The following ADD2 variants were observed in gnomAD, a reference collection of about 807,000 sequenced individuals.
ADD2 encodes adducin 2, also known as beta-adducin.
In ADD2, 23 loss-of-function variants were observed where a neutral mutation model predicts 83.0. The observed-to-expected ratio is 0.28, with a 90% CI of 0.20 to 0.39. The LOEUF is 0.39. Ranked by LOEUF, ADD2 falls within the 10% of genes least tolerant of loss-of-function variation. The pLI, the probability that ADD2 is intolerant of heterozygous loss-of-function variation, is 1.00. For synonymous variants in ADD2, 375 were observed against 375.4 expected (o/e 1.00, Z 0.01); for missense variants, 758 against 944.9 (o/e 0.80, Z 2.59).
At chr2:70,677,736 G>T (rs1558525108) in intron 12 of ADD2, 22 bp downstream of exon 12, 1 of 1,612,502 alleles carries the variant, frequency 6.2e-7, no homozygotes, top group East Asian at 2.2e-5. Flanking sequence ...AAGAAAGAGT[G>T]GGATAAACAG....
chr2:70,677,539 A>C (rs1174555395), intron 12 of ADD2, among the ~76,000 whole-genome samples: 1 of 152,250 alleles, frequency 6.6e-6, no homozygotes, highest in Non-Finnish European at 1.5e-5. Context: ...GCTGGTGTGT[A>C]AACCAAGCTG....
At position 70,689,023 on chromosome 2, in the gene ADD2, T is replaced by C. The variant is rs531198949; in HGVS notation, c.850-901A>G. Among the ~76,000 whole-genome samples, 5 of 152,160 alleles carry C rather than the reference T, an allele frequency of 3.3e-5. No homozygotes were observed. The East Asian group carries it at 9.7e-4, about 29-fold the overall frequency. On this transcript the variant is annotated intron_variant, in intron 8 of 15. Coordinates refer to ENST00000264436, the MANE Select transcript of ADD2 (RefSeq NM_001617.4). ...GGGAGGGTGAGGTGGGAGGATCACTTGAACCTGGGGGCTGCAGTGAGCTGA... is the reference window on the plus strand; with the variant it reads ...GGGAGGGTGAGGTGGGAGGATCACTCGAACCTGGGGGCTGCAGTGAGCTGA...
intron 1 of ADD2, among the ~76,000 whole-genome samples, chr2:70,766,968 C>G (rs1228289084): frequency 6.6e-6 from 1 of 152,088 alleles, no homozygotes; most frequent in Non-Finnish European, 1.5e-5. Context: ...TTTCTATTTC[C>G]TATTTTCTAT....
At chr2:70,742,822 C>T (rs1430312965) in intron 1 of ADD2, among the ~76,000 whole-genome samples, 2 of 152,110 alleles carry the variant, frequency 1.3e-5, no homozygotes, top group African/African-American at 4.8e-5. Context: ...ACCTAGGGAG[C>T]CTACAAATGA....
chr2:70,745,176 C>T (rs1674118306), intron 1 of ADD2, among the ~76,000 whole-genome samples: 2 of 152,034 alleles, frequency 1.3e-5, no homozygotes, highest in South Asian at 4.2e-4. Flanking sequence ...GTCCCAACTA[C>T]TCGGGAAGCT....
chr2:70,706,329 T>C lies in ADD2; in HGVS notation c.80A>G (p.Asp27Gly). 6.2e-7 allele frequency: 1 copy of C among 1,613,882 alleles called. No individual in the cohort carries two copies. Among genetic ancestry groups the C allele is most frequent in the East Asian group, 2.2e-5 (1 of 44,864 alleles). Reference protein sequence around the residue: ...GQPYFDRFSEDDPEYMRLRNR... With the variant: ...GQPYFDRFSEGDPEYMRLRNR... ...GCGAAGGCGCATGTACTCGGGGTCG[T>C]CCTCTGAGAAGCGGTCAAAGTAAGG... Residue 27 changes from aspartate (D) to glycine (G), a missense_variant, in exon 3 of 16, where the codon GAC becomes GGC. Coordinates refer to ENST00000264436, the MANE Select transcript of ADD2 (RefSeq NM_001617.4). The surrounding 1 kb of genome is among the most constrained non-coding windows in gnomAD (Gnocchi z 5.0).
At chr2:70,713,532 A>G (rs1445079851) in intron 1 of ADD2, among the ~76,000 whole-genome samples, 6 of 152,148 alleles carry the variant, frequency 3.9e-5, no homozygotes, top group African/African-American at 1.4e-4. Context: ...AATTGCTTGA[A>G]TCCGGGAGGT....
intron 1 of ADD2, among the ~76,000 whole-genome samples, chr2:70,757,711 C>T (rs1428007444): frequency 2.0e-5 from 3 of 152,076 alleles, no homozygotes; most frequent in East Asian, 1.9e-4. Flanking sequence ...TGTCTTTTCA[C>T]GGTAGATTTT....
chr2:70,749,503 T>C (rs1312346134), intron 1 of ADD2, among the ~76,000 whole-genome samples: 2 of 152,050 alleles, frequency 1.3e-5, no homozygotes, highest in Non-Finnish European at 2.9e-5. Flanking sequence ...TAGGCAATAT[T>C]CACCTCCCCT....
intron 9 of ADD2, among the ~76,000 whole-genome samples, chr2:70,687,687 T>C (rs1186833864): frequency 6.6e-6 from 1 of 152,168 alleles, no homozygotes; most frequent in Non-Finnish European, 1.5e-5. Context: ...CCACGTAACA[T>C]ATGAGCATGG....
intron 15 of ADD2, among the ~76,000 whole-genome samples, chr2:70,669,056 T>C (rs1320931455): frequency 5.9e-5 from 9 of 151,956 alleles, no homozygotes; most frequent in African/African-American, 2.2e-4. Flanking sequence ...AAAAAAAACA[T>C]GTCCTATGTT....
intron 10 of ADD2, among the ~76,000 whole-genome samples, chr2:70,679,343 G>A (rs183556705): frequency 1.3e-5 from 2 of 152,344 alleles, no homozygotes; most frequent in East Asian, 3.9e-4. Context: ...CCTGGGCCCT[G>A]ATGCAGAGTT....
chr2:70,706,536 C>T lies in ADD2; in HGVS notation c.-34-94G>A. ...ACAGGGCTAGGTTCAGTTGGATTCTCAGTGGGGTACGGCTGTTCCTAGGAT... is the reference window on the plus strand; with the variant it reads ...ACAGGGCTAGGTTCAGTTGGATTCTTAGTGGGGTACGGCTGTTCCTAGGAT... On this transcript the variant is annotated intron_variant, in intron 2 of 15. Transcript: ENST00000264436. This position sits in a 1 kb window ranked among gnomAD's most constrained non-coding sequence, Gnocchi z 5.0. 1 of 1,156,748 alleles carries T rather than the reference C, an allele frequency of 8.6e-7. No homozygotes were observed. The highest frequency in any genetic ancestry group is 1.2e-6 in the Non-Finnish European group (1 of 836,076). The allele number at this position is 1,156,748 out of a possible 1,614,324, so 71.7% of individuals were successfully genotyped here.
intron 2 of ADD2, among the ~76,000 whole-genome samples, chr2:70,707,801 G>T (rs552931435): frequency 2.0e-5 from 3 of 152,224 alleles, no homozygotes; most frequent in Non-Finnish European, 4.4e-5. Context: ...TCCATAACCT[G>T]CCACTCCCTT....
intron 1 of ADD2, among the ~76,000 whole-genome samples, chr2:70,761,525 T>C (rs1675090253): frequency 6.8e-6 from 1 of 146,188 alleles, no homozygotes; most frequent in Non-Finnish European, 1.5e-5. Context: ...CAAGAATCAC[T>C]TGAACCCAGG....
chr2:70,724,686 G>A (rs570813266), intron 1 of ADD2, among the ~76,000 whole-genome samples: 123 of 152,334 alleles, frequency 8.1e-4, no homozygotes, highest in African/African-American at 2.8e-3. Context: ...TGCAGGACTT[G>A]GGGTTGCTGC....
chr2:70,698,479 C>T (rs951424150), intron 4 of ADD2, among the ~76,000 whole-genome samples: 1 of 152,076 alleles, frequency 6.6e-6, no homozygotes, highest in Non-Finnish European at 1.5e-5. Context: ...CACAGACAGA[C>T]CGAATAAGTT....
At chr2:70,672,223 T>C (rs1030205597) in intron 15 of ADD2, among the ~76,000 whole-genome samples, 38 of 152,204 alleles carry the variant, frequency 2.5e-4, no homozygotes, top group African/African-American at 3.9e-4. Context: ...AGCAGTTCAG[T>C]TGGGCCTCGA....
intron 2 of ADD2, among the ~76,000 whole-genome samples, chr2:70,712,385 A>G (rs1672226965): frequency 6.6e-6 from 1 of 150,692 alleles, no homozygotes; most frequent in Non-Finnish European, 1.5e-5. Context: ...CAGAGGTTGC[A>G]GTGAGCTGAG....
Sources: gnomAD v4.1 joint callset for allele counts (sites outside exome capture counted in the v4.1 genomes callset) on GRCh38, gnomAD v4.1.1 for gene constraint, Gnocchi (gnomAD v3.1) non-coding constraint, MANE v1.5 for transcripts, NCBI Gene and HGNC (gene_info 2026-07-23, HGNC 2026-07-21) for gene names.